Variants in LPIN2 observed in about 807,000 individuals in gnomAD.
LPIN2 encodes the protein phosphatidate phosphatase LPIN2.
LPIN2 carries 55 observed loss-of-function variants against 111.4 expected under a neutral mutation model. The ratio of observed to expected loss-of-function variants is 0.49; its 90% CI spans 0.40 to 0.62. The LOEUF (loss-of-function observed/expected upper bound fraction) is 0.62, where lower values mean the gene tolerates loss of function less well. Ranked by LOEUF, LPIN2 falls within the 20% of genes least tolerant of loss-of-function variation. LPIN2 has a pLI of 0.00. For synonymous variants in LPIN2, 425 were observed against 414.0 expected (o/e 1.03, Z -0.32); for missense variants, 992 against 1,112.1 (o/e 0.89, Z 1.54).
rs111549006 is a variant in LPIN2 at position 2,948,646 on chromosome 18, G to A, written c.590+2409C>T. On this transcript the variant is annotated intron_variant, in intron 4 of 19. Coordinates refer to ENST00000677752, the MANE Select transcript of LPIN2 (RefSeq NM_001375808.2). ...GGTAGATCTTGGAAGAATTTTAGTTGGTAAAAATATTTTCAGGAACGAAGC... is the reference window on the plus strand; with the variant it reads ...GGTAGATCTTGGAAGAATTTTAGTTAGTAAAAATATTTTCAGGAACGAAGC... 2.0e-3 allele frequency among the ~76,000 whole-genome samples: 302 copies of A among 151,988 alleles called. 1 individual carries two copies. Among genetic ancestry groups the A allele is most frequent in the African/African-American group, 7.1e-3 (295 of 41,412 alleles).
chr18:2,999,561 G>A (rs564383807), intron 1 of LPIN2, among the ~76,000 whole-genome samples: 6 of 150,922 alleles, frequency 4.0e-5, no homozygotes, highest in African/African-American at 7.3e-5. Context: ...CCAAGATCAC[G>A]CCACTGCACT....
At chr18:2,993,180 AAAG>A (rs2078292502) in intron 1 of LPIN2, among the ~76,000 whole-genome samples, 1 of 151,824 alleles carries the variant, frequency 6.6e-6, no homozygotes. Context: ...AAGAAGGAAA[AAAG>A]AAGAAAGGAG....
At position 2,945,665 on chromosome 18, in the gene LPIN2, T is replaced by A. The variant is rs146262900; in HGVS notation, c.591-4953A>T. 3.0e-4 allele frequency: 423 copies of A among 1,429,660 alleles called. 1 individual carries two copies. The African/African-American group carries it at 5.2e-3, about 18-fold the overall frequency. 88.6% of individuals were successfully genotyped at this position (1,429,660 alleles called of 1,614,324 possible). On this transcript the variant is annotated intron_variant, in intron 4 of 19. Transcript: ENST00000677752. The stretch of plus-strand genomic sequence containing the variant: ...ATTTCAATCTTTGTTGCAGTCATAG[T>A]TAATAACTTCGCTTTACATCAATCA...
At chr18:2,966,497 C>T (rs1481065751) in intron 1 of LPIN2, among the ~76,000 whole-genome samples, 2 of 152,176 alleles carry the variant, frequency 1.3e-5, no homozygotes, top group Non-Finnish European at 2.9e-5. Context: ...GGTCAGCACA[C>T]TATTAAGTGG....
intron 1 of LPIN2, among the ~76,000 whole-genome samples, chr18:2,982,423 C>T (rs1422145035): frequency 6.6e-6 from 1 of 151,978 alleles, no homozygotes; most frequent in Admixed American, 6.6e-5. Flanking sequence ...AAAAAAAAGT[C>T]TTTTGTTAAA....
rs752804340 is a variant in LPIN2 at position 2,958,719 on chromosome 18, G to A, written c.192+1930C>T. 2.6e-5 allele frequency among the ~76,000 whole-genome samples: 4 copies of A among 152,034 alleles called. No homozygotes were observed. The South Asian group carries it at 6.2e-4, about 24-fold the overall frequency. ...AGTACATTCCTATTAAAAATGCAAC[G>A]TTTTGACAAGATAGTAACACAACGA... On this transcript the variant is annotated intron_variant, in intron 2 of 19. Transcript: ENST00000677752.
intron 1 of LPIN2, among the ~76,000 whole-genome samples, chr18:2,968,136 C>T (rs565295587): frequency 6.6e-6 from 1 of 152,208 alleles, no homozygotes; most frequent in African/African-American, 2.4e-5. Context: ...AAGTGTTCTC[C>T]TTCATTTCTA....
chr18:2,931,409 A>C lies in LPIN2; in HGVS notation c.1303T>G (p.Ser435Ala). Reference protein sequence around the residue: ...SEPGSRQWPESDTLSGSQSPQ... With the variant: ...SEPGSRQWPEADTLSGSQSPQ... ...GACTGGGAGCCAGAGAGTGTGTCAG[A>C]CTCGGGCCACTGCCTGGAACCGGGC... is the stretch of plus-strand genomic sequence containing the variant. The change falls in exon 9 of 20, where the codon TCT (serine) becomes GCT (alanine). Residue 435 changes from serine (S) to alanine (A), a missense_variant. By Grantham distance (99) the Ser-to-Ala change is moderately conservative. Around this residue, in one of 4 missense-constraint regions of LPIN2, gnomAD observed 709 missense variants for 753.2 expected, o/e 0.94. Transcript: ENST00000677752. 3 of 1,603,764 alleles carry C rather than the reference A, an allele frequency of 1.9e-6. No individual in the cohort carries two copies. Among genetic ancestry groups the C allele is most frequent in the Non-Finnish European group, 2.6e-6 (3 of 1,174,930 alleles).
At chr18:2,970,616 G>A (rs936402978) in intron 1 of LPIN2, among the ~76,000 whole-genome samples, 1 of 152,212 alleles carries the variant, frequency 6.6e-6, no homozygotes, top group Non-Finnish European at 1.5e-5. Context: ...GATCCTGACT[G>A]GATAAAGCCA....
intron 9 of LPIN2, among the ~76,000 whole-genome samples, chr18:2,930,678 C>T (rs984722628): frequency 3.9e-5 from 6 of 152,206 alleles, no homozygotes; most frequent in East Asian, 1.9e-4. Context: ...GAATTGAGGA[C>T]GGATGCACAT....
chr18:2,925,389 T>TA lies in LPIN2; in HGVS notation c.1794-22dup. 1 of 1,613,966 alleles carries TA rather than the reference T, an allele frequency of 6.2e-7. No individual in the cohort carries two copies. Among genetic ancestry groups the TA allele is most frequent in the South Asian group, 1.1e-5 (1 of 91,078 alleles). On this transcript the variant is annotated intron_variant, in intron 13 of 19. Transcript: ENST00000677752. The surrounding 1 kb of genome is among the most constrained non-coding windows in gnomAD (Gnocchi z 4.1). ...CCGGCCTGTTCAACATTAGCCCAGT[T>TA]ACGGAAGAGGCAGCAGGGCATTTTA...
At chr18:3,004,007 T>A (rs547320504) in intron 1 of LPIN2, among the ~76,000 whole-genome samples, 1 of 128,820 alleles carries the variant, frequency 7.8e-6, no homozygotes, top group South Asian at 2.4e-4. Context: ...GCTCTGGGAT[T>A]GTCTTATGCA....
At chr18:2,978,202 TA>T (rs1181157206) in intron 1 of LPIN2, among the ~76,000 whole-genome samples, 5 of 144,768 alleles carry the variant, frequency 3.5e-5, no homozygotes, top group South Asian at 2.2e-4. Flanking sequence ...AAATAAAAAA[TA>T]AAAAAAAAAG....
At chr18:3,009,361 T>C (rs1441359470) in intron 1 of LPIN2, among the ~76,000 whole-genome samples, 1 of 151,666 alleles carries the variant, frequency 6.6e-6, no homozygotes, top group Non-Finnish European at 1.5e-5. Flanking sequence ...ATCATGACAC[T>C]GCACTCCAGC....
Position 2,925,639 on chromosome 18 carries a change from C to T in LPIN2, c.1794-271G>A, listed in dbSNP as rs1198282076. Among the ~76,000 whole-genome samples the T allele has an allele frequency of 1.3e-5, 2 of 152,210 alleles. No homozygotes were observed. Among genetic ancestry groups the T allele is most frequent in the African/African-American group, 4.8e-5 (2 of 41,444 alleles). On this transcript the variant is annotated intron_variant, in intron 13 of 19. Transcript: ENST00000677752. The surrounding 1 kb of genome is among the most constrained non-coding windows in gnomAD (Gnocchi z 4.1). ...TGCCCAGTGAATGCTAGAAGGTCTACTGACTCTTGTTGAAGAGGGTATGTA... is the reference window on the plus strand; with the variant it reads ...TGCCCAGTGAATGCTAGAAGGTCTATTGACTCTTGTTGAAGAGGGTATGTA...
In LPIN2 at chr18:2,945,729, C is replaced by T. The variant is rs1472807162; in HGVS notation, c.591-5017G>A. ...CACATTTTGATCAAATTCCTTCTCTCCTTCAAATACAATATGCGCATCTAA... is the reference window on the plus strand; with the variant it reads ...CACATTTTGATCAAATTCCTTCTCTTCTTCAAATACAATATGCGCATCTAA... On this transcript the variant is annotated intron_variant, in intron 4 of 19. Transcript: ENST00000677752. The T allele has an allele frequency of 4.9e-6, 6 of 1,220,950 alleles. No individual in the cohort carries two copies. In the East Asian group the frequency reaches 1.2e-4, roughly 24 times the overall value. 75.6% of individuals were successfully genotyped at this position (1,220,950 alleles called of 1,614,324 possible).
rs2077020921 is a variant in LPIN2 at position 2,919,542 on chromosome 18, A to G, written c.*751T>C. On this transcript the variant is annotated 3_prime_UTR_variant, in exon 20 of 20. Coordinates refer to ENST00000677752, the MANE Select transcript of LPIN2 (RefSeq NM_001375808.2). ...GGGGCGGGGTTTGGTCTGTTTTAAG[A>G]CCCACCTTCCCACTTTTATTACAGA... 6.6e-6 allele frequency: 1 copy of G among 152,338 alleles called. No individual in the cohort carries two copies. Among genetic ancestry groups the G allele is most frequent in the African/African-American group, 2.4e-5 (1 of 41,362 alleles). The allele number at this position is 152,338 out of a possible 1,614,324, so 9.4% of individuals were successfully genotyped here.
chr18:2,957,937 G>T (rs964895041), intron 2 of LPIN2, among the ~76,000 whole-genome samples: 1 of 151,502 alleles, frequency 6.6e-6, no homozygotes, highest in Non-Finnish European at 1.5e-5. Context: ...GATTACCTGA[G>T]ATCAGGTAAT....
chr18:2,956,802 C>G (rs1255020253), intron 2 of LPIN2, among the ~76,000 whole-genome samples: 1 of 152,190 alleles, frequency 6.6e-6, no homozygotes, highest in African/African-American at 2.4e-5. Context: ...TGACATTTCT[C>G]AATGTGACTA....
Sources: allele counts gnomAD v4.1 joint callset (sites outside exome capture counted in the v4.1 genomes callset), GRCh38; gene constraint gnomAD v4.1.1; regional missense constraint gnomAD v4.1.1; non-coding constraint Gnocchi (gnomAD v3.1); transcripts MANE v1.5; gene names NCBI Gene and HGNC (gene_info 2026-07-23, HGNC 2026-07-21).